The following ACSM6 variants were observed in gnomAD, a reference collection of about 807,000 sequenced individuals.
ACSM6 encodes acyl-CoA synthetase medium chain family member 6, also known as acyl-coenzyme A synthetase ACSM6, mitochondrial.
ACSM6 carries 35 observed loss-of-function variants against 51.1 expected under a neutral mutation model. The ratio of observed to expected loss-of-function variants is 0.69; its 90% CI spans 0.52 to 0.91. The LOEUF is 0.91. ACSM6 is among the 40% of genes least tolerant of loss of function. ACSM6 has a pLI of 0.00. For missense variants in ACSM6, 509 were observed against 584.1 expected (o/e 0.87, Z 1.32); for synonymous variants, 172 against 207.3 (o/e 0.83, Z 1.46).
chr10:95,224,405 G>A (rs540276777), intron 9 of ACSM6, among the ~76,000 whole-genome samples: 2 of 152,084 alleles, frequency 1.3e-5, no homozygotes, highest in East Asian at 3.9e-4. Flanking sequence ...GAAGCCACTC[G>A]GCTGAAATAA....
At chr10:95,201,141 C>A (rs574000990) in intron 2 of ACSM6, among the ~76,000 whole-genome samples, 1 of 152,190 alleles carries the variant, frequency 6.6e-6, no homozygotes, top group Non-Finnish European at 1.5e-5. Context: ...GCACTCTTCT[C>A]TACTTACAGG....
At chr10:95,225,244 C>G in intron 9 of ACSM6, 46 bp from the exon 10 acceptor site, 1 of 1,327,372 alleles carries the variant, frequency 7.5e-7, no homozygotes, top group Non-Finnish European at 1.1e-6. Flanking sequence ...AGGAAGAGCA[C>G]AAGTGGTTTG....
exon 8 of ACSM6, chr10:95,214,895 C>T (rs2133385584): frequency 6.4e-7 from 1 of 1,551,472 alleles, no homozygotes; most frequent in Non-Finnish European, 8.7e-7. Flanking sequence ...TGCAGGAGGA[C>T]CCATCAGCCC....
exon 11 of ACSM6, chr10:95,228,679 C>A (rs1179823050): frequency 3.2e-6 from 5 of 1,551,784 alleles, no homozygotes; most frequent in Non-Finnish European, 4.4e-6. Context: ...CAAGAGGCCA[C>A]ATGCTTTACC....
At chr10:95,219,914 A>T in exon 9 of ACSM6, 1 of 1,613,844 alleles carries the variant, frequency 6.2e-7, no homozygotes, top group South Asian at 1.1e-5. Context: ...CCACTTCCAA[A>T]ACAATAAAAT....
At chr10:95,211,028 G>A (rs2034888204) in intron 5 of ACSM6, among the ~76,000 whole-genome samples, 1 of 152,196 alleles carries the variant, frequency 6.6e-6, no homozygotes, top group Admixed American at 6.5e-5. Context: ...CATGCAGTAG[G>A]TGAGGGATCC....
chr10:95,200,404 G>A (rs1564586284), intron 2 of ACSM6, among the ~76,000 whole-genome samples: 1 of 151,356 alleles, frequency 6.6e-6, no homozygotes, highest in Non-Finnish European at 1.5e-5. Context: ...GCTGAATGAC[G>A]AGTTAATGGG....
chr10:95,201,071 T>C (rs1171492792), intron 2 of ACSM6, among the ~76,000 whole-genome samples: 2 of 152,190 alleles, frequency 1.3e-5, no homozygotes, highest in Non-Finnish European at 2.9e-5. Flanking sequence ...GAAAAATAAG[T>C]TGCATTGGAA....
intron 9 of ACSM6, among the ~76,000 whole-genome samples, chr10:95,221,307 C>T (rs2133391410): frequency 6.6e-6 from 1 of 152,244 alleles, no homozygotes; most frequent in East Asian, 1.9e-4. Flanking sequence ...GTCAACAAAG[C>T]CAGGTGTGGT....
In ACSM6 at chr10:95,202,211, C is replaced by T. The variant is rs376416951; in HGVS notation, c.403+16C>T. ...GTGCGCTTGGGTGAGGCATGGGAGA[C>T]GGACCCCAGGGGTTGGAGGCTTATG... On this transcript the variant is annotated intron_variant, in intron 3 of 10. Transcript: ENST00000341686. 69 of 1,547,514 alleles carry T rather than the reference C, an allele frequency of 4.5e-5. No individual in the cohort carries two copies. Among genetic ancestry groups the T allele is most frequent in the Admixed American group, 1.2e-4 (6 of 50,984 alleles).
intron 10 of ACSM6, among the ~76,000 whole-genome samples, chr10:95,226,595 T>TG (rs1335963111): frequency 6.6e-6 from 1 of 152,068 alleles, no homozygotes; most frequent in African/African-American, 2.4e-5. Flanking sequence ...ATAAATAAAA[T>TG]GGAGGGTGCA....
intron 4 of ACSM6, among the ~76,000 whole-genome samples, chr10:95,208,702 GT>G (rs1272936212): frequency 6.7e-6 from 1 of 149,614 alleles, no homozygotes; most frequent in African/African-American, 2.6e-5. Context: ...TCTATTATTT[GT>G]TTTTGTTTTT....
At chr10:95,212,780 C>A in intron 6 of ACSM6, 78 bp from the exon 7 acceptor site, 1 of 1,171,120 alleles carries the variant, frequency 8.5e-7, no homozygotes. Context: ...TGGACTTTCC[C>A]GCCTGGACCC....
At chr10:95,195,289 G>A (rs988322118) in intron 2 of ACSM6, among the ~76,000 whole-genome samples, 14 of 152,170 alleles carry the variant, frequency 9.2e-5, no homozygotes, top group Non-Finnish European at 2.1e-4. Flanking sequence ...GATAAAGGAG[G>A]TGGTATTTAC....
exon 11 of ACSM6, chr10:95,228,814 G>C (rs772179076): frequency 1.9e-6 from 3 of 1,542,660 alleles, no homozygotes; most frequent in Non-Finnish European, 2.6e-6. Context: ...TGAGCCTGGG[G>C]CTGTGGGAGT....
exon 2 of ACSM6, chr10:95,194,668 G>A (rs11591256): frequency 6.4e-7 from 1 of 1,551,686 alleles, no homozygotes; most frequent in East Asian, 2.4e-5. Flanking sequence ...AGTGGTCCCA[G>A]CTGGAAAAGG....
chr10:95,219,319 C>T (rs576876737), intron 8 of ACSM6, among the ~76,000 whole-genome samples: 4 of 152,270 alleles, frequency 2.6e-5, no homozygotes, highest in African/African-American at 9.6e-5. Flanking sequence ...TATCATTACT[C>T]CTCTACAATC....
In ACSM6 at chr10:95,217,993, G is replaced by A. The variant is rs113609782; in HGVS notation, c.1120-1898G>A. ...AGATCCATTTAATTACATCCAAAGA[G>A]TTGACATTTTCAGCACCCAGGACTC... On this transcript the variant is annotated intron_variant, in intron 8 of 10. Transcript: ENST00000341686. Among the ~76,000 whole-genome samples, 1,228 of 152,306 alleles carry A rather than the reference G, an allele frequency of 8.1e-3. 26 individuals are homozygous for A. The highest frequency in any genetic ancestry group is 0.028 in the African/African-American group (1,175 of 41,552).
exon 3 of ACSM6, chr10:95,202,046 A>T (rs1233893760): frequency 6.4e-7 from 1 of 1,551,684 alleles, no homozygotes; most frequent in East Asian, 2.4e-5. Flanking sequence ...GAAGAGGACA[A>T]ATGGAGCTTT....
Sources: allele counts gnomAD v4.1 joint callset (sites outside exome capture counted in the v4.1 genomes callset), GRCh38; gene constraint gnomAD v4.1.1; transcripts MANE v1.5; gene names NCBI Gene and HGNC (gene_info 2026-07-23, HGNC 2026-07-21).